Variants in EFNA2 observed in about 807,000 individuals in gnomAD.
EFNA2 encodes ephrin A2.
EFNA2 carries 18 observed loss-of-function variants against 19.7 expected under a neutral mutation model. The ratio of observed to expected loss-of-function variants is 0.91; its 90% CI spans 0.63 to 1.35. The LOEUF (loss-of-function observed/expected upper bound fraction) is 1.35, where lower values mean the gene tolerates loss of function less well. Among genes scored for constraint, EFNA2 ranks in the 40% most tolerant of loss-of-function variants. The pLI, the probability that EFNA2 is intolerant of heterozygous loss-of-function variation, is 0.00. For missense variants in EFNA2, 303 were observed against 296.0 expected (o/e 1.02, Z -0.17); for synonymous variants, 187 against 137.8 (o/e 1.36, Z -2.50).
Position 1,300,151 on chromosome 19 carries a change from C to G in EFNA2, c.*206C>G, listed in dbSNP as rs977161172. ...GGAGGGGAAACGGCCGAGAGCCCCC[C>G]CCCGGAGGCCCGAGGGGCCGGGGTG... On this transcript the variant is annotated 3_prime_UTR_variant, in exon 4 of 4. Coordinates refer to ENST00000215368, the MANE Select transcript of EFNA2 (RefSeq NM_001405.4). 10 of 649,896 alleles carry G rather than the reference C, an allele frequency of 1.5e-5. No homozygotes were observed. Among genetic ancestry groups the G allele is most frequent in the South Asian group, 7.4e-5 (3 of 40,692 alleles). The allele number at this position is 649,896 out of a possible 1,614,324, so 40.3% of individuals were successfully genotyped here.
At position 1,294,598 on chromosome 19, in the gene EFNA2, G is replaced by T. The variant is rs1165315626; in HGVS notation, c.141-947G>T. 6.6e-6 allele frequency among the ~76,000 whole-genome samples: 1 copy of T among 152,104 alleles called. No individual in the cohort carries two copies. Among genetic ancestry groups the T allele is most frequent in the Non-Finnish European group, 1.5e-5 (1 of 68,010 alleles). On this transcript the variant is annotated intron_variant, in intron 1 of 3. Coordinates refer to ENST00000215368, the MANE Select transcript of EFNA2 (RefSeq NM_001405.4). This position sits in a 1 kb window ranked among gnomAD's most constrained non-coding sequence, Gnocchi z 5.8. ...GCTCGCAGGGTCACACAGGAAGGCA[G>T]GGGTGGGGCTGGGAGTGGAGCCCAG...
At chr19:1,285,075 C>T (rs1459737188), upstream of EFNA2, among the ~76,000 whole-genome samples, 1 of 152,238 alleles carries the variant, frequency 6.6e-6, no homozygotes, top group Non-Finnish European at 1.5e-5. The surrounding 1 kb of genome is among the most constrained non-coding windows in gnomAD (Gnocchi z 4.1). Context: ...TGGCCAGACA[C>T]TGTCTCTATA....
In EFNA2 at chr19:1,286,472, C is replaced by T. The variant is rs1394469896; in HGVS notation, c.140+164C>T. ...AGCCCCCCAGGGAGCTCCGGCCCCC[C>T]GGAGTTTGGGGGACTCGCCCTTTTC... On this transcript the variant is annotated intron_variant, in intron 1 of 3. Transcript: ENST00000215368. The surrounding 1 kb of genome is among the most constrained non-coding windows in gnomAD (Gnocchi z 5.6). Among the ~76,000 whole-genome samples, 3 of 151,380 alleles carry T rather than the reference C, an allele frequency of 2.0e-5. No homozygotes were observed. The highest frequency in any genetic ancestry group is 2.1e-4 in the South Asian group (1 of 4,828).
In EFNA2 at chr19:1,286,285, C is replaced by G. The variant is rs1468539299; in HGVS notation, c.117C>G (p.Val39=). Residue 39 remains valine, a synonymous_variant, in exon 1 of 4, where the codon GTC becomes GTG. Transcript: ENST00000215368. This position sits in a 1 kb window ranked among gnomAD's most constrained non-coding sequence, Gnocchi z 5.6. ...GCGCCAACTCGGACCGCTACGCCGT[C>G]TACTGGAACCGCAGCAACCCCAGGT... ...AARANSDRYA[V]YWNRSNPRFH... The G allele has an allele frequency of 9.4e-6, 10 of 1,068,936 alleles. No homozygotes were observed. The East Asian group carries it at 6.0e-4, about 65-fold the overall frequency. 66.2% of individuals were successfully genotyped at this position (1,068,936 alleles called of 1,614,324 possible). A position where few individuals can be genotyped will look rare whatever the true frequency, so the allele number is the denominator to read the frequency against.
In EFNA2 at chr19:1,301,122, AAAAAAG is replaced by A. The variant is rs971794303; in HGVS notation, c.*1181_*1186del. Among the ~76,000 whole-genome samples, 51 of 150,210 alleles carry A rather than the reference AAAAAAG, an allele frequency of 3.4e-4. No individual in the cohort carries two copies. The highest frequency in any genetic ancestry group is 1.8e-3 in the Admixed American group (27 of 15,180). On this transcript the variant is annotated 3_prime_UTR_variant, in exon 4 of 4. Transcript: ENST00000215368. The stretch of plus-strand genomic sequence containing the variant: ...AGGGAGGGAACCACTACCAAAAAAA[AAAAAAG>A]AAACTCCTCCCCGAAGACACTTTAA...
In EFNA2 at chr19:1,296,692, G is replaced by A. The variant is rs1462344810; in HGVS notation, c.454+834G>A. Among the ~76,000 whole-genome samples, 4 of 152,128 alleles carry A rather than the reference G, an allele frequency of 2.6e-5. No individual in the cohort carries two copies. The highest frequency in any genetic ancestry group is 1.9e-4 in the East Asian group (1 of 5,190). ...CCACAGGGCCCCTGCCGCACCAGCCGCACCCAGACTGGGTAGGGGTCTCCA... is the reference window on the plus strand; with the variant it reads ...CCACAGGGCCCCTGCCGCACCAGCCACACCCAGACTGGGTAGGGGTCTCCA... On this transcript the variant is annotated intron_variant, in intron 2 of 3. Coordinates refer to ENST00000215368, the MANE Select transcript of EFNA2 (RefSeq NM_001405.4). This position sits in a 1 kb window ranked among gnomAD's most constrained non-coding sequence, Gnocchi z 4.4.
Position 1,295,617 on chromosome 19 carries a change from C to T in EFNA2, c.213C>T (p.Ile71=). ...TGAGCATCAATGACTACCTGGACAT[C>T]TACTGCCCGCACTATGGGGCGCCGC... ...VEVSINDYLD[I]YCPHYGAPLP... Residue 71 remains isoleucine, a synonymous_variant, in exon 2 of 4, where the codon ATC becomes ATT. Coordinates refer to ENST00000215368, the MANE Select transcript of EFNA2 (RefSeq NM_001405.4). The surrounding 1 kb of genome is among the most constrained non-coding windows in gnomAD (Gnocchi z 5.8). The T allele has an allele frequency of 1.9e-6, 3 of 1,611,666 alleles. No homozygotes were observed. Among genetic ancestry groups the T allele is most frequent in the Non-Finnish European group, 2.5e-6 (3 of 1,179,462 alleles).
rs1056604352 is a variant in EFNA2, at chr19:1,287,412, T to C, written c.140+1104T>C. ...CCCACTCTTCTGCTACTGGTCACTT[T>C]CTCTCCGTTTTCCAGCCGCTTCCTG... On this transcript the variant is annotated intron_variant, in intron 1 of 3. Coordinates refer to ENST00000215368, the MANE Select transcript of EFNA2 (RefSeq NM_001405.4). This position sits in a 1 kb window ranked among gnomAD's most constrained non-coding sequence, Gnocchi z 6.2. 6.6e-6 allele frequency among the ~76,000 whole-genome samples: 1 copy of C among 151,986 alleles called. No individual in the cohort carries two copies. Among genetic ancestry groups the C allele is most frequent in the African/African-American group, 2.4e-5 (1 of 41,348 alleles).
In EFNA2 at chr19:1,287,635, G is replaced by C. The variant is rs547481311; in HGVS notation, c.140+1327G>C. Among the ~76,000 whole-genome samples, 218 of 152,138 alleles carry C rather than the reference G, an allele frequency of 1.4e-3. No homozygotes were observed. The highest frequency in any genetic ancestry group is 4.9e-3 in the African/African-American group (204 of 41,488). On this transcript the variant is annotated intron_variant, in intron 1 of 3. Transcript: ENST00000215368. The surrounding 1 kb of genome is among the most constrained non-coding windows in gnomAD (Gnocchi z 6.2). ...CCACCCTGGTCAACGGCCTCGGGTC[G>C]GGCCCTGGGGGCTGAGGGCAGGGAC...
rs1211890546 is a variant in EFNA2, at chr19:1,296,918, G to A, written c.454+1060G>A. Among the ~76,000 whole-genome samples the A allele has an allele frequency of 6.6e-6, 1 of 152,234 alleles. No individual in the cohort carries two copies. Among genetic ancestry groups the A allele is most frequent in the Non-Finnish European group, 1.5e-5 (1 of 68,048 alleles). On this transcript the variant is annotated intron_variant, in intron 2 of 3. Transcript: ENST00000215368. This position sits in a 1 kb window ranked among gnomAD's most constrained non-coding sequence, Gnocchi z 4.4. The stretch of plus-strand genomic sequence containing the variant: ...TGCCAGTCCCTGCTGCTTATCGGAG[G>A]TCCGAAGCTGGCCTTTTTGTCCCTA...
chr19:1,293,825 G>A (rs1313382752), intron 1 of EFNA2, among the ~76,000 whole-genome samples: 3 of 152,232 alleles, frequency 2.0e-5, no homozygotes, highest in African/African-American at 7.2e-5. Flanking sequence ...AAACTGAGGC[G>A]CAAGTGAGCA....
Position 1,295,961 on chromosome 19 carries a change from C to G in EFNA2, c.454+103C>G. Reference sequence around the variant, plus strand: ...CACTGGGGTGGGGCCGGGGAGTGGGCGGGGCAGCGCAGTGGGCGGGGCCGC... The same window carrying G: ...CACTGGGGTGGGGCCGGGGAGTGGGGGGGGCAGCGCAGTGGGCGGGGCCGC... On this transcript the variant is annotated intron_variant, in intron 2 of 3. Transcript: ENST00000215368. The surrounding 1 kb of genome is among the most constrained non-coding windows in gnomAD (Gnocchi z 5.8). 1.2e-4 allele frequency: 25 copies of G among 206,114 alleles called. No individual in the cohort carries two copies. The highest frequency in any genetic ancestry group is 1.8e-3 in the Middle Eastern group (1 of 554). The allele number at this position is 206,114 out of a possible 1,614,324, so 12.8% of individuals were successfully genotyped here. A position where few individuals can be genotyped will look rare whatever the true frequency, so the allele number is the denominator to read the frequency against.
chr19:1,299,066 C>T (rs1226290529), intron 3 of EFNA2, among the ~76,000 whole-genome samples: 1 of 152,102 alleles, frequency 6.6e-6, no homozygotes, highest in East Asian at 1.9e-4. Context: ...GGCGAAACCC[C>T]ATCTCTACTA....
chr19:1,292,179 T>C (rs2081494723), intron 1 of EFNA2, among the ~76,000 whole-genome samples: 1 of 152,122 alleles, frequency 6.6e-6, no homozygotes, highest in African/African-American at 2.4e-5. Context: ...GGCGCCACCC[T>C]CAACAGGGGC....
chr19:1,299,769 G>C, intron 3 of EFNA2, 55 bp from the exon 4 acceptor site: 1 of 1,542,984 alleles, frequency 6.5e-7, no homozygotes, highest in Non-Finnish European at 8.7e-7. Flanking sequence ...GCGGCACGTG[G>C]GGAGCCCAGT....
At position 1,286,604 on chromosome 19, in the gene EFNA2, T is replaced by C. The variant is rs1028027148; in HGVS notation, c.140+296T>C. Among the ~76,000 whole-genome samples the C allele has an allele frequency of 2.6e-5, 4 of 152,094 alleles. No individual in the cohort carries two copies. The highest frequency in any genetic ancestry group is 5.9e-5 in the Non-Finnish European group (4 of 67,976). On this transcript the variant is annotated intron_variant, in intron 1 of 3. Coordinates refer to ENST00000215368, the MANE Select transcript of EFNA2 (RefSeq NM_001405.4). This position sits in a 1 kb window ranked among gnomAD's most constrained non-coding sequence, Gnocchi z 5.6. ...CCTGGAGTTTGGGGAACCCCTCTGG[T>C]ACCCTCCGATGCCGGGTAGCCCCTG...
At chr19:1,291,215 A>G (rs1283841568) in intron 1 of EFNA2, among the ~76,000 whole-genome samples, 1 of 152,152 alleles carries the variant, frequency 6.6e-6, no homozygotes, top group African/African-American at 2.4e-5. Context: ...ACCCACGCCC[A>G]CGGTGACGGA....
intron 1 of EFNA2, among the ~76,000 whole-genome samples, chr19:1,288,421 C>T (rs1010837840): frequency 1.3e-5 from 2 of 152,048 alleles, no homozygotes; most frequent in Admixed American, 6.5e-5. Flanking sequence ...GCCGGCAGGC[C>T]TAAGGTGTGA....
chr19:1,300,095 G>C lies in EFNA2; in HGVS notation c.*150G>C. 8.7e-7 allele frequency: 1 copy of C among 1,155,254 alleles called. No individual in the cohort carries two copies. Among genetic ancestry groups the C allele is most frequent in the Non-Finnish European group, 1.2e-6 (1 of 855,900 alleles). 71.6% of individuals were successfully genotyped at this position (1,155,254 alleles called of 1,614,324 possible). ...CTGGTGCCGCCCCCGCCGGGCAGGG[G>C]CCATCCACCCGCCCCAGGACCAGCC... On this transcript the variant is annotated 3_prime_UTR_variant, in exon 4 of 4. Transcript: ENST00000215368.
Sources: allele counts gnomAD v4.1 joint callset (sites outside exome capture counted in the v4.1 genomes callset), GRCh38; gene constraint gnomAD v4.1.1; non-coding constraint Gnocchi (gnomAD v3.1); transcripts MANE v1.5; gene names NCBI Gene and HGNC (gene_info 2026-07-23, HGNC 2026-07-21).